Variants in MIDEAS observed in about 807,000 individuals in gnomAD.
MIDEAS encodes mitotic deacetylase associated SANT domain protein, also known as mitotic deacetylase-associated SANT domain protein.
MIDEAS carries 26 observed loss-of-function variants against 102.7 expected under a neutral mutation model. That is an observed-to-expected ratio of 0.25 (90% CI 0.19 to 0.35). The LOEUF is 0.35. Ranked by LOEUF, MIDEAS falls within the 10% of genes least tolerant of loss-of-function variation. The pLI, the probability that MIDEAS is intolerant of heterozygous loss-of-function variation, is 1.00. For synonymous variants in MIDEAS, 585 were observed against 591.0 expected (o/e 0.99, Z 0.15); for missense variants, 1,231 against 1,435.6 (o/e 0.86, Z 2.30).
chr14:73,774,072 T>C (rs1271991112), intron 1 of MIDEAS, among the ~76,000 whole-genome samples: 1 of 149,854 alleles, frequency 6.7e-6, no homozygotes, highest in Non-Finnish European at 1.5e-5. Context: ...TAATCAGCCA[T>C]GGCGAGAAAG....
chr14:73,754,240 C>T (rs1045080357), intron 1 of MIDEAS, among the ~76,000 whole-genome samples: 1 of 152,250 alleles, frequency 6.6e-6, no homozygotes, highest in Non-Finnish European at 1.5e-5. Context: ...CAACTAGCAG[C>T]CACCATGCAG....
At position 73,715,346 on chromosome 14, in the gene MIDEAS, C is replaced by T. The variant is rs1030444446; in HGVS notation, c.*3497G>A. ...GTACACTATTTTAATATGTAACAGT[C>T]TTTTTAAAAAAGGATGCCACAGGCA... On this transcript the variant is annotated 3_prime_UTR_variant, in exon 13 of 13. Transcript: ENST00000423556. 1.3e-5 allele frequency: 2 copies of T among 152,608 alleles called. No individual in the cohort carries two copies. Among genetic ancestry groups the T allele is most frequent in the Non-Finnish European group, 2.9e-5 (2 of 68,032 alleles). 9.5% of individuals were successfully genotyped at this position (152,608 alleles called of 1,614,324 possible).
intron 1 of MIDEAS, among the ~76,000 whole-genome samples, chr14:73,783,334 C>T (rs993593602): frequency 5.9e-5 from 9 of 152,172 alleles, no homozygotes; most frequent in South Asian, 2.1e-4. Context: ...CTGAGCCAAG[C>T]GGATGAGAGG....
Position 73,726,861 on chromosome 14 carries a change from G to C in MIDEAS, c.2274C>G (p.Asp758Glu). The C allele has an allele frequency of 6.2e-7, 1 of 1,612,462 alleles. No individual in the cohort carries two copies. The highest frequency in any genetic ancestry group is 8.5e-7 in the Non-Finnish European group (1 of 1,178,730). ...KADLVWQPWEDLESSREKQRQ... is the reference protein window; with the variant it reads ...KADLVWQPWEELESSREKQRQ... ...TCTGCTTCTCCCGGCTGCTCTCTAG[G>C]TCCTCCCATGGCTGCCACACCAAGT... Residue 758 changes from aspartate to glutamate, a missense_variant, in exon 6 of 13, where the codon GAC becomes GAG. Physicochemically the swap from Asp to Glu is conservative, Grantham distance 45. This residue lies in a region of MIDEAS where 391 missense variants were observed against 483.0 expected (regional missense o/e 0.81). Transcript: ENST00000423556.
At chr14:73,735,710 A>G (rs2053191429) in intron 3 of MIDEAS, among the ~76,000 whole-genome samples, 1 of 152,260 alleles carries the variant, frequency 6.6e-6, no homozygotes, top group South Asian at 2.1e-4. Context: ...TGACTTTAAA[A>G]GACAAAAAGG....
rs756959578 is a variant in MIDEAS, at chr14:73,759,177, C to A, written c.-248+586G>T. ...TGCATTTGCCCCAGTTCCCCAACGC[C>A]CCTGCACCTCTGTCCCCCAAACTCC... On this transcript the variant is annotated intron_variant, in intron 1 of 12. Transcript: ENST00000423556. The surrounding 1 kb of genome is among the most constrained non-coding windows in gnomAD (Gnocchi z 6.7). Among the ~76,000 whole-genome samples the A allele has an allele frequency of 6.6e-6, 1 of 152,206 alleles. No homozygotes were observed. Among genetic ancestry groups the A allele is most frequent in the Non-Finnish European group, 1.5e-5 (1 of 68,032 alleles).
intron 1 of MIDEAS, among the ~76,000 whole-genome samples, chr14:73,749,590 T>A (rs2053397073): frequency 6.8e-6 from 1 of 147,686 alleles, no homozygotes; most frequent in South Asian, 2.1e-4. Flanking sequence ...AATATATATA[T>A]AAAATATATA....
intron 1 of MIDEAS, among the ~76,000 whole-genome samples, chr14:73,772,225 C>G (rs1344692961): frequency 2.0e-5 from 3 of 152,192 alleles, no homozygotes; most frequent in East Asian, 1.9e-4. Flanking sequence ...AGTCCCTCCC[C>G]CTGGCCTCCT....
At chr14:73,758,152 A>G (rs1397087892) in intron 1 of MIDEAS, among the ~76,000 whole-genome samples, 1 of 151,784 alleles carries the variant, frequency 6.6e-6, no homozygotes, top group Non-Finnish European at 1.5e-5. Flanking sequence ...ATGCAACGAG[A>G]TGGTTTATCA....
At chr14:73,744,220 GCACACCCAAC>G (rs1433343264) in intron 1 of MIDEAS, among the ~76,000 whole-genome samples, 4 of 152,186 alleles carry the variant, frequency 2.6e-5, no homozygotes, top group African/African-American at 9.7e-5. Flanking sequence ...CAGCCCAGCT[GCACACCCAAC>G]ACTGGCTGGC....
chr14:73,777,842 C>G (rs1424710104), intron 1 of MIDEAS, among the ~76,000 whole-genome samples: 1 of 151,948 alleles, frequency 6.6e-6, no homozygotes, highest in African/African-American at 2.4e-5. Flanking sequence ...GCGCAGGAGC[C>G]CCCTGAACAC....
rs2053052293 is a variant in MIDEAS, at chr14:73,725,750, C to G, written c.2485+283G>C. On this transcript the variant is annotated intron_variant, in intron 8 of 12. Transcript: ENST00000423556. The surrounding 1 kb of genome is among the most constrained non-coding windows in gnomAD (Gnocchi z 4.1). ...GGGCTAAGTTCCAGGTACCTGATGC[C>G]AATCTGGATGGCTCTCCATGGGTTC... Among the ~76,000 whole-genome samples, 1 of 152,188 alleles carries G rather than the reference C, an allele frequency of 6.6e-6. No individual in the cohort carries two copies. The highest frequency in any genetic ancestry group is 6.5e-5 in the Admixed American group (1 of 15,274).
intron 1 of MIDEAS, among the ~76,000 whole-genome samples, chr14:73,786,217 T>A (rs1194040253): frequency 6.6e-6 from 1 of 152,200 alleles, no homozygotes; most frequent in Non-Finnish European, 1.5e-5. Context: ...CAGCCCCTAG[T>A]TACTCTGCAG....
intron 3 of MIDEAS, among the ~76,000 whole-genome samples, chr14:73,731,315 G>A (rs1230590740): frequency 1.3e-5 from 2 of 152,196 alleles, no homozygotes; most frequent in African/African-American, 4.8e-5. Context: ...CCCTGCCAAG[G>A]TTCTGGCTCC....
chr14:73,783,396 A>T (rs2053773799), intron 1 of MIDEAS, among the ~76,000 whole-genome samples: 2 of 152,160 alleles, frequency 1.3e-5, no homozygotes. Context: ...AATTCTTGCC[A>T]TCAGTGGTTT....
chr14:73,727,371 C>T, intron 5 of MIDEAS, 87 bp downstream of exon 5: 2 of 1,411,730 alleles, frequency 1.4e-6, no homozygotes, highest in Non-Finnish European at 2.0e-6. Context: ...CCCCACGGAA[C>T]CCTCCTGTTG....
chr14:73,734,135 C>T (rs1217566553), intron 3 of MIDEAS, among the ~76,000 whole-genome samples: 1 of 152,024 alleles, frequency 6.6e-6, no homozygotes, highest in African/African-American at 2.4e-5. Flanking sequence ...CAGGTGCACA[C>T]CACCACGCCC....
chr14:73,743,877 C>T (rs2053315428), intron 1 of MIDEAS, among the ~76,000 whole-genome samples: 1 of 152,104 alleles, frequency 6.6e-6, no homozygotes, highest in Non-Finnish European at 1.5e-5. Flanking sequence ...GCTCTATTCA[C>T]TTTTCCCTTC....
intron 7 of MIDEAS, 122 bp from the exon 8 acceptor site, chr14:73,726,230 G>C: frequency 6.1e-6 from 5 of 821,684 alleles, no homozygotes; most frequent in Non-Finnish European, 1.0e-5. Context: ...CTTAACTGCT[G>C]AGAGATAAGG....
Sources: gnomAD v4.1 joint callset for allele counts (sites outside exome capture counted in the v4.1 genomes callset) on GRCh38, gnomAD v4.1.1 for gene constraint, gnomAD v4.1.1 regional missense constraint, Gnocchi (gnomAD v3.1) non-coding constraint, MANE v1.5 for transcripts, NCBI Gene and HGNC (gene_info 2026-07-23, HGNC 2026-07-21) for gene names.